Variants in CLVS1 observed in about 807,000 individuals in gnomAD.
CLVS1 encodes the protein clavesin-1.
CLVS1 carries 10 observed loss-of-function variants against 33.1 expected under a neutral mutation model. The ratio of observed to expected loss-of-function variants is 0.30; its 90% CI spans 0.19 to 0.51. CLVS1 has a LOEUF of 0.51. CLVS1 is among the 20% of genes least tolerant of loss of function. The pLI is 0.97. For synonymous variants in CLVS1, 163 were observed against 166.1 expected (o/e 0.98, Z 0.14); for missense variants, 343 against 433.4 (o/e 0.79, Z 1.85).
chr8:61,141,440 A>G (rs1309101969), intron 2 of CLVS1, among the ~76,000 whole-genome samples: 1 of 152,164 alleles, frequency 6.6e-6, no homozygotes, highest in Non-Finnish European at 1.5e-5. Context: ...TTTATCTGTA[A>G]GTTGAATACT....
chr8:61,299,888 G>A lies in CLVS1; in HGVS notation c.61G>A (p.Ala21Thr). The change falls in exon 2 of 6, where the codon GCC becomes ACC. Residue 21 changes from alanine to threonine, a missense_variant. Physicochemically the swap from Ala to Thr is moderately conservative, Grantham distance 58. Transcript: ENST00000325897. ...QKLNTWNGDL[A>T]KMTHLQAGLS... ...GTTAAACACTTGGAACGGAGATTTG[G>A]CCAAGATGACCCATTTACAGGCTGG... The A allele has an allele frequency of 6.2e-7, 1 of 1,613,818 alleles. No individual in the cohort carries two copies. Among genetic ancestry groups the A allele is most frequent in the South Asian group, 1.1e-5 (1 of 91,056 alleles).
At chr8:61,425,663 A>G (rs1200304899) in intron 3 of CLVS1, among the ~76,000 whole-genome samples, 7 of 152,136 alleles carry the variant, frequency 4.6e-5, no homozygotes, top group African/African-American at 1.7e-4. Context: ...AAATTATCTT[A>G]AAGGCTTTGT....
At chr8:61,254,783 G>T (rs970266039) in intron 2 of CLVS1, among the ~76,000 whole-genome samples, 2 of 152,116 alleles carry the variant, frequency 1.3e-5, no homozygotes, top group Admixed American at 1.3e-4. Context: ...GCAGTATTAG[G>T]GTGGGACTGA....
At chr8:61,356,356 T>G (rs1161600537) in intron 2 of CLVS1, among the ~76,000 whole-genome samples, 1 of 152,108 alleles carries the variant, frequency 6.6e-6, no homozygotes, top group Admixed American at 6.6e-5. Flanking sequence ...TTCTCCCATT[T>G]TGTAGGTTGC....
chr8:61,202,439 A>G, intron 2 of CLVS1: 1 of 782,906 alleles, frequency 1.3e-6, no homozygotes, highest in Non-Finnish European at 2.3e-6. Flanking sequence ...AAAGATTGTC[A>G]CTTTAAGGTG....
At chr8:61,382,197 T>C (rs1271997576) in intron 3 of CLVS1, among the ~76,000 whole-genome samples, 1 of 152,210 alleles carries the variant, frequency 6.6e-6, no homozygotes, top group Non-Finnish European at 1.5e-5. Context: ...TATCAATGAT[T>C]GATCATATTG....
intron 2 of CLVS1, among the ~76,000 whole-genome samples, chr8:61,302,849 G>C (rs1322952220): frequency 6.6e-6 from 1 of 152,168 alleles, no homozygotes; most frequent in African/African-American, 2.4e-5. Context: ...GAAGGTGAAG[G>C]GGAGGCAGGC....
intron 2 of CLVS1, among the ~76,000 whole-genome samples, chr8:61,196,955 T>C (rs1807626141): frequency 6.6e-6 from 1 of 152,306 alleles, no homozygotes; most frequent in East Asian, 1.9e-4. Context: ...CTCTATCTCT[T>C]TTCCATGTGC....
the CLVS1 span, among the ~76,000 whole-genome samples, chr8:61,007,245 A>T: frequency 6.6e-6 from 1 of 152,254 alleles, no homozygotes; most frequent in African/African-American, 2.4e-5. Flanking sequence ...CAAAGGATTT[A>T]AAAGAAAACT....
At chr8:61,364,958 C>A (rs1813134466) in intron 2 of CLVS1, among the ~76,000 whole-genome samples, 1 of 152,150 alleles carries the variant, frequency 6.6e-6, no homozygotes, top group East Asian at 1.9e-4. Context: ...TTCAAGTTGC[C>A]TTGCACACTG....
intron 2 of CLVS1, among the ~76,000 whole-genome samples, chr8:61,304,490 C>T (rs543853223): frequency 6.6e-6 from 1 of 152,202 alleles, no homozygotes; most frequent in South Asian, 2.1e-4. Flanking sequence ...TGTATTTATA[C>T]AAAAAATGAA....
the CLVS1 span, among the ~76,000 whole-genome samples, chr8:60,996,428 C>A: frequency 6.6e-6 from 1 of 152,170 alleles, no homozygotes; most frequent in Non-Finnish European, 1.5e-5. Flanking sequence ...AAAACAAAAG[C>A]AAGCCAACAG....
intron 2 of CLVS1, among the ~76,000 whole-genome samples, chr8:61,374,604 A>T (rs1335869518): frequency 1.3e-5 from 2 of 152,244 alleles, no homozygotes; most frequent in Non-Finnish European, 1.5e-5. Context: ...ACAAAAGCAC[A>T]CAAAGTCCCA....
chr8:61,059,626 G>T (rs1235766304), intron 1 of CLVS1, among the ~76,000 whole-genome samples: 1 of 150,922 alleles, frequency 6.6e-6, no homozygotes, highest in Non-Finnish European at 1.5e-5. Context: ...GCCTGCCAAT[G>T]TGGTGAAACC....
the CLVS1 span, among the ~76,000 whole-genome samples, chr8:61,049,985 C>T: frequency 4.0e-3 from 612 of 152,338 alleles, 6 homozygotes; most frequent in African/African-American, 0.014. Context: ...CTAATGTATA[C>T]GGTGCTCTCT....
chr8:61,096,637 T>A (rs752375543), intron 1 of CLVS1, among the ~76,000 whole-genome samples: 7 of 152,136 alleles, frequency 4.6e-5, no homozygotes, highest in Non-Finnish European at 8.8e-5. Flanking sequence ...TTCTATTCAG[T>A]TTTTCCCCCC....
intron 1 of CLVS1, among the ~76,000 whole-genome samples, chr8:61,092,854 C>T (rs1337256055): frequency 1.3e-5 from 2 of 152,148 alleles, no homozygotes; most frequent in African/African-American, 4.8e-5. Flanking sequence ...GGGACTAGGA[C>T]TTGAACATAT....
intron 2 of CLVS1, among the ~76,000 whole-genome samples, chr8:61,170,344 G>A (rs536237555): frequency 3.3e-5 from 5 of 151,820 alleles, no homozygotes; most frequent in African/African-American, 4.8e-5. Context: ...CTCTCTTTCC[G>A]TTCTCCACTC....
chr8:61,266,393 G>C (rs1295273062), intron 2 of CLVS1, among the ~76,000 whole-genome samples: 2 of 150,802 alleles, frequency 1.3e-5, no homozygotes, highest in African/African-American at 4.9e-5. Context: ...TTGTTAACCA[G>C]ATTTGGTTAA....
Sources: gnomAD v4.1 joint callset for allele counts (sites outside exome capture counted in the v4.1 genomes callset) on GRCh38, gnomAD v4.1.1 for gene constraint, MANE v1.5 for transcripts, NCBI Gene and HGNC (gene_info 2026-07-23, HGNC 2026-07-21) for gene names.